The following RUSC2 variants were observed in gnomAD, a reference collection of about 807,000 sequenced individuals.
RUSC2 encodes AP-4 complex accessory subunit RUSC2.
Under a neutral mutation model 122.2 loss-of-function variants are expected in RUSC2, and 34 were observed. The ratio of observed to expected loss-of-function variants is 0.28; its 90% CI spans 0.21 to 0.37. The LOEUF is 0.37. RUSC2 is among the 10% of genes least tolerant of loss of function. The probability of loss-of-function intolerance (pLI) is 1.00; values close to 1 mark genes in which losing one functional copy is unlikely to be tolerated. For synonymous variants in RUSC2, 784 were observed against 790.0 expected (o/e 0.99, Z 0.13); for missense variants, 1,747 against 1,952.4 (o/e 0.89, Z 1.98).
intron 1 of RUSC2, among the ~76,000 whole-genome samples, chr9:35,533,390 C>CA (rs1821461852): frequency 1.3e-5 from 2 of 152,194 alleles, no homozygotes; most frequent in South Asian, 4.1e-4. Flanking sequence ...ATGGGGTTCT[C>CA]AAAGACTTCA....
chr9:35,528,170 G>A (rs1485831419), intron 1 of RUSC2, among the ~76,000 whole-genome samples: 1 of 152,166 alleles, frequency 6.6e-6, no homozygotes, highest in African/African-American at 2.4e-5. Flanking sequence ...AGGATTCCTT[G>A]AGGCCGGAAG....
At position 35,558,668 on chromosome 9, in the gene RUSC2, G is replaced by C. The variant is rs1045495652; in HGVS notation, c.3341+101G>C. ...AAACAACGCCCTGGACAGACAGAAA[G>C]GGTGGATCTGGAGGGTCCCCTCAGC... On this transcript the variant is annotated intron_variant, in intron 8 of 11. Transcript: ENST00000361226. The surrounding 1 kb of genome is among the most constrained non-coding windows in gnomAD (Gnocchi z 4.3). 2 of 1,005,800 alleles carry C rather than the reference G, an allele frequency of 2.0e-6. No individual in the cohort carries two copies. The highest frequency in any genetic ancestry group is 3.1e-6 in the Non-Finnish European group (2 of 642,784). The allele number at this position is 1,005,800 out of a possible 1,614,324, so 62.3% of individuals were successfully genotyped here. A position where few individuals can be genotyped will look rare whatever the true frequency, so the allele number is the denominator to read the frequency against.
rs1407158370 is a variant in RUSC2 at position 35,558,071 on chromosome 9, G to T, written c.3060+81G>T. 3 of 1,581,758 alleles carry T rather than the reference G, an allele frequency of 1.9e-6. No individual in the cohort carries two copies. In the East Asian group the frequency reaches 6.7e-5, roughly 35 times the overall value. ...CGCTACCACCTTCCCTTGCTGTCTTGCATTTAGAGCCCAGGGTTGGGTACT... is the reference window on the plus strand; with the variant it reads ...CGCTACCACCTTCCCTTGCTGTCTTTCATTTAGAGCCCAGGGTTGGGTACT... On this transcript the variant is annotated intron_variant, in intron 6 of 11. Coordinates refer to ENST00000361226, the MANE Select transcript of RUSC2 (RefSeq NM_014806.5). This position sits in a 1 kb window ranked among gnomAD's most constrained non-coding sequence, Gnocchi z 4.3.
Position 35,548,042 on chromosome 9 carries a change from T to C in RUSC2, c.1521T>C (p.Pro507=). Residue 507 remains proline, a synonymous_variant, in exon 2 of 12, where the codon CCT becomes CCC. Coordinates refer to ENST00000361226, the MANE Select transcript of RUSC2 (RefSeq NM_014806.5). The surrounding 1 kb of genome is among the most constrained non-coding windows in gnomAD (Gnocchi z 4.5). Reference sequence around the variant, plus strand: ...ATGATCGCAGCCTGCAGCGCAGCCCTCCTGTCCGCCTGGGCTCGCTGGAAC... The same window carrying C: ...ATGATCGCAGCCTGCAGCGCAGCCCCCCTGTCCGCCTGGGCTCGCTGGAAC... ...RSYDRSLQRS[P]PVRLGSLERM... 5 of 1,613,712 alleles carry C rather than the reference T, an allele frequency of 3.1e-6. No individual in the cohort carries two copies. Among genetic ancestry groups the C allele is most frequent in the Non-Finnish European group, 4.2e-6 (5 of 1,180,044 alleles).
In RUSC2 at chr9:35,558,509, T is replaced by A. The variant is rs766188510; in HGVS notation, c.3283T>A (p.Phe1095Ile). 1 of 1,614,022 alleles carries A rather than the reference T, an allele frequency of 6.2e-7. No individual in the cohort carries two copies. Among genetic ancestry groups the A allele is most frequent in the Non-Finnish European group, 8.5e-7 (1 of 1,180,034 alleles). Residue 1095 changes from phenylalanine to isoleucine, a missense_variant, in exon 8 of 12, where the codon TTC (phenylalanine) becomes ATC (isoleucine). Coordinates refer to ENST00000361226, the MANE Select transcript of RUSC2 (RefSeq NM_014806.5). This position sits in a 1 kb window ranked among gnomAD's most constrained non-coding sequence, Gnocchi z 4.3. ...LHGLYNKVSQ[F>I]PELTSHTMRF... Reference sequence around the variant, plus strand: ...TGGCCTCTACAACAAAGTCAGCCAATTCCCAGAGCTCACCAGTCATACCAT... The same window carrying A: ...TGGCCTCTACAACAAAGTCAGCCAAATCCCAGAGCTCACCAGTCATACCAT...
intron 1 of RUSC2, among the ~76,000 whole-genome samples, chr9:35,521,680 C>T (rs1043275653): frequency 6.6e-6 from 1 of 152,214 alleles, no homozygotes; most frequent in African/African-American, 2.4e-5. Context: ...CAAAAGCAAA[C>T]CAAGTTCTGT....
At chr9:35,530,271 A>G (rs1821395742) in intron 1 of RUSC2, among the ~76,000 whole-genome samples, 1 of 152,030 alleles carries the variant, frequency 6.6e-6, no homozygotes, top group African/African-American at 2.4e-5. Flanking sequence ...TAGCTTTATC[A>G]AACATCATTG....
chr9:35,526,911 C>T (rs1273466549), intron 1 of RUSC2, among the ~76,000 whole-genome samples: 2 of 152,170 alleles, frequency 1.3e-5, no homozygotes, highest in African/African-American at 2.4e-5. Flanking sequence ...GAAATATTAT[C>T]TGTCATTATC....
intron 1 of RUSC2, among the ~76,000 whole-genome samples, chr9:35,524,350 T>C (rs1302597380): frequency 6.6e-6 from 1 of 152,160 alleles, no homozygotes; most frequent in Non-Finnish European, 1.5e-5. Flanking sequence ...TCATAGTAAA[T>C]AACTGATTCA....
At chr9:35,495,029 TTA>T (rs1820656044) in intron 1 of RUSC2, among the ~76,000 whole-genome samples, 2 of 99,814 alleles carry the variant, frequency 2.0e-5, no homozygotes, top group African/African-American at 3.8e-5. Flanking sequence ...ATTTTATATA[TTA>T]TATATACTAT....
Position 35,560,038 on chromosome 9 carries a change from A to G in RUSC2, c.3398A>G (p.Gln1133Arg), listed in dbSNP as rs988575066. 1.3e-6 allele frequency: 2 copies of G among 1,597,402 alleles called. No individual in the cohort carries two copies. The highest frequency in any genetic ancestry group is 1.7e-6 in the Non-Finnish European group (2 of 1,167,384). Residue 1133 changes from glutamine (Q) to arginine (R), a missense_variant, in exon 10 of 12, where the codon CAG (glutamine) becomes CGG (arginine). By Grantham distance (43) the Gln-to-Arg change is conservative. Coordinates refer to ENST00000361226, the MANE Select transcript of RUSC2 (RefSeq NM_014806.5). ...CTCTCTTTTCCCCTAGACATCATCC[A>G]GACCCACTACCAGCCCTGGGGCTTC... Reference protein sequence around the residue: ...NHLYNHEDIIQTHYQPWGFLS... With the variant: ...NHLYNHEDIIRTHYQPWGFLS...
At position 35,558,157 on chromosome 9, in the gene RUSC2, G is replaced by A; in HGVS notation, c.3061-40G>A. The A allele has an allele frequency of 6.2e-7, 1 of 1,604,762 alleles. No individual in the cohort carries two copies. Among genetic ancestry groups the A allele is most frequent in the Non-Finnish European group, 8.5e-7 (1 of 1,176,296 alleles). On this transcript the variant is annotated intron_variant, in intron 6 of 11. Transcript: ENST00000361226. The surrounding 1 kb of genome is among the most constrained non-coding windows in gnomAD (Gnocchi z 4.3). ...CCTGCTACGAGAGGACCACAGTCAGGCCTGAGGGGGTTTCCTGCACTTCCC... is the reference window on the plus strand; with the variant it reads ...CCTGCTACGAGAGGACCACAGTCAGACCTGAGGGGGTTTCCTGCACTTCCC...
intron 1 of RUSC2, among the ~76,000 whole-genome samples, chr9:35,529,995 A>T (rs1034317472): frequency 5.9e-5 from 9 of 152,110 alleles, no homozygotes; most frequent in African/African-American, 2.2e-4. Flanking sequence ...TCTGTTGTCC[A>T]GGCTTGAGGG....
intron 1 of RUSC2, among the ~76,000 whole-genome samples, chr9:35,534,168 G>A (rs1821477647): frequency 1.3e-5 from 2 of 152,166 alleles, no homozygotes; most frequent in Non-Finnish European, 2.9e-5. Context: ...GGGTCAAGTA[G>A]TATCTCACTT....
intron 1 of RUSC2, among the ~76,000 whole-genome samples, chr9:35,527,140 T>TG (rs929142769): frequency 5.4e-5 from 8 of 149,236 alleles, no homozygotes; most frequent in African/African-American, 1.8e-4. Flanking sequence ...CTTTCGTTGT[T>TG]TTTTTTTTCT....
Position 35,547,653 on chromosome 9 carries a change from G to A in RUSC2, c.1132G>A (p.Asp378Asn), listed in dbSNP as rs2132553460. 1 of 1,614,206 alleles carries A rather than the reference G, an allele frequency of 6.2e-7. No homozygotes were observed. Among genetic ancestry groups the A allele is most frequent in the Non-Finnish European group, 8.5e-7 (1 of 1,180,040 alleles). ...CTGTGAGCCGTGCCCAGCAGTGGCT[G>A]ACCTCACAGCCTGCTTCCAAAGCCA... ...PHCEPCPAVADLTACFQSQAR... is the reference protein window; with the variant it reads ...PHCEPCPAVANLTACFQSQAR... The change falls in exon 2 of 12, where the codon GAC (aspartate) becomes AAC (asparagine). Residue 378 changes from aspartate to asparagine, a missense_variant. Coordinates refer to ENST00000361226, the MANE Select transcript of RUSC2 (RefSeq NM_014806.5). The surrounding 1 kb of genome is among the most constrained non-coding windows in gnomAD (Gnocchi z 4.6).
rs1821746563 is a variant in RUSC2 at position 35,546,533 on chromosome 9, C to T, written c.12C>T (p.Pro4=). 1 of 1,460,830 alleles carries T rather than the reference C, an allele frequency of 6.8e-7. No homozygotes were observed. The allele number at this position is 1,460,830 out of a possible 1,614,324, so 90.5% of individuals were successfully genotyped here. A position where few individuals can be genotyped will look rare whatever the true frequency, so the allele number is the denominator to read the frequency against. The stretch of plus-strand genomic sequence containing the variant: ...TCGAACTTTCCAGAATGGATAGTCC[C>T]CCAAAGCTGACTGGAGAGACCCTCA... The part of the protein sequence containing the change: MDS[P]PKLTGETLIV... The change falls in exon 2 of 12, where the codon CCC becomes CCT. Residue 4 remains proline (P), a synonymous_variant. Coordinates refer to ENST00000361226, the MANE Select transcript of RUSC2 (RefSeq NM_014806.5). This position sits in a 1 kb window ranked among gnomAD's most constrained non-coding sequence, Gnocchi z 4.3.
chr9:35,555,765 C>CT lies in RUSC2; in HGVS notation c.2656+67dup. The CT allele has an allele frequency of 3.9e-6, 6 of 1,524,538 alleles. No homozygotes were observed. The highest frequency in any genetic ancestry group is 2.3e-5 in the East Asian group (1 of 44,180). 94.4% of individuals were successfully genotyped at this position (1,524,538 alleles called of 1,614,324 possible). ...CACGCAAGCACTTCCACCACCTCCC[C>CT]TTTGAGTGGTTGCTTACACTCTCAC... On this transcript the variant is annotated intron_variant, in intron 3 of 11. Transcript: ENST00000361226. The surrounding 1 kb of genome is among the most constrained non-coding windows in gnomAD (Gnocchi z 4.6).
At chr9:35,502,531 T>G (rs1820835364) in intron 1 of RUSC2, among the ~76,000 whole-genome samples, 1 of 152,230 alleles carries the variant, frequency 6.6e-6, no homozygotes, top group African/African-American at 2.4e-5. Flanking sequence ...TGGAGAAAGA[T>G]TAAAAGTGTA....
Sources: gnomAD v4.1 joint callset for allele counts (sites outside exome capture counted in the v4.1 genomes callset) on GRCh38, gnomAD v4.1.1 for gene constraint, Gnocchi (gnomAD v3.1) non-coding constraint, MANE v1.5 for transcripts, NCBI Gene and HGNC (gene_info 2026-07-23, HGNC 2026-07-21) for gene names.